DIS3L2: variants seen among roughly 807,000 people sequenced by gnomAD.
DIS3L2 encodes DIS3-like exonuclease 2.
A neutral mutation model predicts 97.5 loss-of-function variants in DIS3L2; 34 were observed. The observed-to-expected ratio is 0.35, with a 90% CI of 0.27 to 0.46. The LOEUF is 0.46. Ranked by LOEUF, DIS3L2 falls within the 20% of genes least tolerant of loss-of-function variation. The probability of loss-of-function intolerance (pLI) is 1.00; values close to 1 mark genes in which losing one functional copy is unlikely to be tolerated. For synonymous variants in DIS3L2, 435 were observed against 445.2 expected (o/e 0.98, Z 0.29); for missense variants, 1,038 against 1,146.0 (o/e 0.91, Z 1.36).
intron 6 of DIS3L2, among the ~76,000 whole-genome samples, chr2:232,128,443 C>A: frequency 7.2e-6 from 1 of 138,116 alleles, no homozygotes; most frequent in African/African-American, 2.7e-5. Context: ...AAATTGACAA[C>A]TTTGCTAATT....
intron 8 of DIS3L2, among the ~76,000 whole-genome samples, chr2:232,162,301 C>T (rs1032663228): frequency 6.6e-6 from 1 of 152,164 alleles, no homozygotes; most frequent in Non-Finnish European, 1.5e-5. Context: ...CTGCCGAGAT[C>T]ATAGGCTGGT....
At chr2:232,088,942 G>A (rs993803774) in intron 6 of DIS3L2, among the ~76,000 whole-genome samples, 6 of 152,168 alleles carry the variant, frequency 3.9e-5, no homozygotes, top group East Asian at 1.9e-4. Context: ...ACTAGATAAT[G>A]AGCTTTGTTA....
intron 12 of DIS3L2, among the ~76,000 whole-genome samples, chr2:232,256,708 AC>A (rs1442456769): frequency 6.6e-6 from 1 of 152,110 alleles, no homozygotes; most frequent in African/African-American, 2.4e-5. Context: ...CCCCCTTTCC[AC>A]ATCAAAATTT....
chr2:232,136,339 T>C, intron 7 of DIS3L2, 133 bp from the exon 8 acceptor site: 1 of 1,100,566 alleles, frequency 9.1e-7, no homozygotes, highest in Non-Finnish European at 1.3e-6. Context: ...AGATCATCAC[T>C]GAGAGGCACT....
intron 5 of DIS3L2, among the ~76,000 whole-genome samples, chr2:232,080,590 T>C (rs114736847): frequency 0.012 from 1,880 of 152,218 alleles, 42 homozygotes; most frequent in African/African-American, 0.042. Flanking sequence ...CTCCTTTTTT[T>C]CCCTTTCTTT....
At chr2:232,100,764 G>A (rs1410298177) in intron 6 of DIS3L2, among the ~76,000 whole-genome samples, 1 of 150,878 alleles carries the variant, frequency 6.6e-6, no homozygotes, top group Admixed American at 6.6e-5. Flanking sequence ...TTATTATATT[G>A]TCTATATTTT....
chr2:232,101,262 T>C (rs968524479), intron 6 of DIS3L2, among the ~76,000 whole-genome samples: 1 of 151,996 alleles, frequency 6.6e-6, no homozygotes, highest in Non-Finnish European at 1.5e-5. Flanking sequence ...AAAATCTGTG[T>C]CTGTAAATTT....
chr2:232,281,964 G>A lies in DIS3L2; in HGVS notation c.1660-18076G>A, dbSNP rs1037031144. On this transcript the variant is annotated intron_variant, in intron 13 of 20. Transcript: ENST00000325385. This position sits in a 1 kb window ranked among gnomAD's most constrained non-coding sequence, Gnocchi z 4.1. ...TATGAAATCTAATTGGCAAGACCAC[G>A]GTGAGCACACAGGCACTTAGGAGCA... Among the ~76,000 whole-genome samples, 3 of 151,612 alleles carry A rather than the reference G, an allele frequency of 2.0e-5. No homozygotes were observed. Among genetic ancestry groups the A allele is most frequent in the East Asian group, 3.9e-4 (2 of 5,138 alleles).
intron 5 of DIS3L2, among the ~76,000 whole-genome samples, chr2:232,063,281 C>G (rs1695763619): frequency 6.6e-6 from 1 of 152,184 alleles, no homozygotes; most frequent in African/African-American, 2.4e-5. Context: ...AACCTCAACT[C>G]TACTTGTGTT....
At chr2:232,190,640 AAG>A (rs901136718) in intron 9 of DIS3L2, among the ~76,000 whole-genome samples, 1 of 151,990 alleles carries the variant, frequency 6.6e-6, no homozygotes, top group African/African-American at 2.4e-5. Flanking sequence ...AAGAGAAAGA[AAG>A]AGAGAAAGAA....
intron 10 of DIS3L2, among the ~76,000 whole-genome samples, chr2:232,216,497 C>G (rs1219955435): frequency 1.3e-5 from 2 of 152,180 alleles, no homozygotes; most frequent in Non-Finnish European, 2.9e-5. Context: ...GCTGACCTCT[C>G]CCTTTCAGGT....
intron 6 of DIS3L2, among the ~76,000 whole-genome samples, chr2:232,106,911 G>A (rs751592450): frequency 3.4e-4 from 51 of 152,084 alleles, no homozygotes; most frequent in Non-Finnish European, 6.3e-4. Context: ...ATGGTCTGTC[G>A]GACCACAGTG....
intron 5 of DIS3L2, among the ~76,000 whole-genome samples, chr2:232,033,835 A>G (rs564742876): frequency 1.3e-5 from 2 of 152,258 alleles, no homozygotes; most frequent in Non-Finnish European, 1.5e-5. Context: ...ATCGTGGTGG[A>G]TAAGCTTTTT....
At chr2:232,259,061 G>A (rs1574977186) in intron 12 of DIS3L2, among the ~76,000 whole-genome samples, 1 of 152,302 alleles carries the variant, frequency 6.6e-6, no homozygotes, top group South Asian at 2.1e-4. Context: ...GCCTGAGCAG[G>A]AAGTTCCTGA....
chr2:232,299,043 G>A (rs573751173), intron 13 of DIS3L2, among the ~76,000 whole-genome samples: 8 of 152,324 alleles, frequency 5.3e-5, no homozygotes, highest in African/African-American at 1.7e-4. Context: ...CTTTCTCTCA[G>A]CAGTGGATCA....
At chr2:232,271,883 T>G (rs1694015902) in intron 13 of DIS3L2, among the ~76,000 whole-genome samples, 1 of 152,208 alleles carries the variant, frequency 6.6e-6, no homozygotes, top group Non-Finnish European at 1.5e-5. Context: ...TAGTACACTT[T>G]ATGGAATCAA....
intron 8 of DIS3L2, among the ~76,000 whole-genome samples, chr2:232,148,480 G>A (rs923033024): frequency 6.6e-6 from 1 of 152,076 alleles, no homozygotes; most frequent in Non-Finnish European, 1.5e-5. Flanking sequence ...ATGAAAGTCC[G>A]TAATAAATTT....
chr2:232,175,494 G>A (rs3116186), intron 9 of DIS3L2, among the ~76,000 whole-genome samples: 122,004 of 152,144 alleles, frequency 0.8, 49,566 homozygotes, highest in African/African-American at 0.91. Flanking sequence ...TTGGTTTTAT[G>A]TGAGGATAAC....
chr2:232,144,704 T>C (rs1371524932), intron 8 of DIS3L2, among the ~76,000 whole-genome samples: 1 of 152,176 alleles, frequency 6.6e-6, no homozygotes, highest in East Asian at 1.9e-4. Context: ...TTGCAGAATC[T>C]GGGTCCAGAA....
Sources: gnomAD v4.1 joint callset for allele counts (sites outside exome capture counted in the v4.1 genomes callset) on GRCh38, gnomAD v4.1.1 for gene constraint, Gnocchi (gnomAD v3.1) non-coding constraint, MANE v1.5 for transcripts, NCBI Gene and HGNC (gene_info 2026-07-23, HGNC 2026-07-21) for gene names.